ITGA4: variants seen among roughly 807,000 people sequenced by gnomAD.
ITGA4 encodes the protein integrin subunit alpha 4, also known as integrin alpha-4.
A neutral mutation model predicts 133.6 loss-of-function variants in ITGA4; 63 were observed. The observed-to-expected ratio is 0.47, with a 90% CI of 0.38 to 0.58. The LOEUF is 0.58. ITGA4 is among the 20% of genes least tolerant of loss of function. The pLI, the probability that ITGA4 is intolerant of heterozygous loss-of-function variation, is 0.00. For missense variants in ITGA4, 1,076 were observed against 1,252.7 expected (o/e 0.86, Z 2.13); for synonymous variants, 483 against 438.0 (o/e 1.10, Z -1.28).
rs140533145 is a variant in ITGA4 at position 181,536,519 on chromosome 2, C to T, written c.*992C>T. Among the ~76,000 whole-genome samples, 1,403 of 127,782 alleles carry T rather than the reference C, an allele frequency of 0.011. 18 individuals carry two copies. Among genetic ancestry groups the T allele is most frequent in the Non-Finnish European group, 0.019 (1,095 of 58,898 alleles). The allele number at this position is 127,782 out of a possible 152,430, so 83.8% of individuals were successfully genotyped here. On this transcript the variant is annotated 3_prime_UTR_variant, in exon 28 of 28. Transcript: ENST00000397033. ...AATATTGACTATCACACAACTATTT[C>T]CTTGGATGTAATTCTTTGTTACCCT...
intron 17 of ITGA4, among the ~76,000 whole-genome samples, chr2:181,518,875 AT>A (rs1686663777): frequency 6.6e-6 from 1 of 152,082 alleles, no homozygotes; most frequent in African/African-American, 2.4e-5. Context: ...GTTTGTCAAT[AT>A]AACTTAGGCT....
At position 181,525,199 on chromosome 2, in the gene ITGA4, T is replaced by C; in HGVS notation, c.2250-3T>C. On this transcript the variant is annotated splice_polypyrimidine_tract_variant and splice_region_variant and intron_variant, in intron 20 of 27. Transcript: ENST00000397033. ...TCTAACAGGGTGTTTTCTGTTTGTA[T>C]AGTGAAAATGAAGAGGAAATGGACA... is the stretch of plus-strand genomic sequence containing the variant. 8.3e-6 allele frequency: 13 copies of C among 1,566,970 alleles called. No homozygotes were observed. The highest frequency in any genetic ancestry group is 1.1e-5 in the Non-Finnish European group (13 of 1,138,144).
chr2:181,498,709 G>A lies in ITGA4; in HGVS notation c.1627G>A (p.Val543Met), dbSNP rs201961822. The change falls in exon 15 of 28, where the codon GTG becomes ATG. Residue 543 changes from valine (V) to methionine (M), a missense_variant. Around this residue, in one of 4 missense-constraint regions of ITGA4, gnomAD observed 365 missense variants for 421.4 expected, o/e 0.87. Transcript: ENST00000397033. ...TTTCTCTTCTAATGGAACTTCTGAC[G>A]TGATTACAGGAAGCATACAGGTGTC... ...FYFSSNGTSDVITGSIQVSSR... is the reference protein window; with the variant it reads ...FYFSSNGTSDMITGSIQVSSR... 1.7e-4 allele frequency: 269 copies of A among 1,612,546 alleles called. 2 individuals are homozygous for A. The highest frequency in any genetic ancestry group is 1.7e-3 in the Middle Eastern group (10 of 6,054).
At chr2:181,531,040 G>C (rs750705872) in intron 24 of ITGA4, among the ~76,000 whole-genome samples, 1 of 151,990 alleles carries the variant, frequency 6.6e-6, no homozygotes, top group African/African-American at 2.4e-5. Flanking sequence ...GCTTGAATCC[G>C]GGAGGTGGAG....
rs753078439 is a variant in ITGA4, at chr2:181,535,543, TGA to T, written c.*21_*22del. On this transcript the variant is annotated 3_prime_UTR_variant, in exon 28 of 28. Coordinates refer to ENST00000397033, the MANE Select transcript of ITGA4 (RefSeq NM_000885.6). ...TGATGATTAAGGACTTCTTTCAAAT[TGA>T]GAGAATGGAAAACAGACTCAGGTTG... The T allele has an allele frequency of 1.3e-6, 2 of 1,586,368 alleles. No homozygotes were observed. The highest frequency in any genetic ancestry group is 3.6e-5 in the Admixed American group (2 of 55,498).
intron 2 of ITGA4, among the ~76,000 whole-genome samples, chr2:181,468,728 A>G (rs1375651545): frequency 6.6e-6 from 1 of 152,212 alleles, no homozygotes; most frequent in Non-Finnish European, 1.5e-5. Context: ...ACACATCAGT[A>G]GGAAGAAATA....
chr2:181,529,765 A>G, intron 23 of ITGA4, 117 bp downstream of exon 23: 1 of 608,706 alleles, frequency 1.6e-6, no homozygotes, highest in South Asian at 2.1e-5. Flanking sequence ...AACTTACTTC[A>G]GTCACACTCT....
chr2:181,525,019 A>G (rs1285337983), intron 20 of ITGA4, among the ~76,000 whole-genome samples, 183 bp from the exon 21 acceptor site: 1 of 152,088 alleles, frequency 6.6e-6, no homozygotes, highest in Non-Finnish European at 1.5e-5. Flanking sequence ...TTAAATAATG[A>G]GAGAAATTTT....
At chr2:181,530,405 C>T (rs1198904810) in intron 23 of ITGA4, 119 bp from the exon 24 acceptor site, 41 of 884,982 alleles carry the variant, frequency 4.6e-5, no homozygotes, top group Non-Finnish European at 6.6e-5. Context: ...TCTACAATTT[C>T]AGAGGTACTT....
At chr2:181,501,423 G>A (rs995466525) in intron 15 of ITGA4, among the ~76,000 whole-genome samples, 2 of 152,154 alleles carry the variant, frequency 1.3e-5, no homozygotes, top group Non-Finnish European at 2.9e-5. Context: ...TGAGAGAAAG[G>A]GGGATCTATA....
chr2:181,457,749 G>T lies in ITGA4; in HGVS notation c.95G>T (p.Arg32Leu). The change falls in exon 1 of 28, where the codon CGC (arginine) becomes CTC (leucine). Residue 32 changes from arginine (R) to leucine (L), a missense_variant. Arg to Leu is a moderately radical substitution (Grantham distance 102). Coordinates refer to ENST00000397033, the MANE Select transcript of ITGA4 (RefSeq NM_000885.6). ...LLLCLGVPTG[R>L]PYNVDTESAL... ...CTGTGCCTGGGGGTCCCGACCGGCC[G>T]CCCCTACAACGTGGACACTGAGAGC... The T allele has an allele frequency of 6.2e-7, 1 of 1,613,262 alleles. No individual in the cohort carries two copies. The highest frequency in any genetic ancestry group is 1.1e-5 in the South Asian group (1 of 90,980).
In ITGA4 at chr2:181,538,783, TC is replaced by T. The variant is rs1393896966; in HGVS notation, c.*3258del. 2.6e-5 allele frequency among the ~76,000 whole-genome samples: 4 copies of T among 152,206 alleles called. No individual in the cohort carries two copies. ...TCCACTAAAAGATTTAAGATCTTGA[TC>T]CATTTTTAAAAATCCAAAATGGAAG... On this transcript the variant is annotated 3_prime_UTR_variant, in exon 28 of 28. Coordinates refer to ENST00000397033, the MANE Select transcript of ITGA4 (RefSeq NM_000885.6).
chr2:181,510,691 A>G (rs1686488469), intron 16 of ITGA4, among the ~76,000 whole-genome samples: 3 of 134,058 alleles, frequency 2.2e-5, no homozygotes, highest in East Asian at 2.2e-4. Context: ...AGATAACTGA[A>G]GAGCAGATTT....
chr2:181,485,824 C>A, intron 9 of ITGA4, 57 bp from the exon 10 acceptor site: 3 of 1,381,354 alleles, frequency 2.2e-6, no homozygotes, highest in Non-Finnish European at 2.0e-6. Flanking sequence ...AACAGTAAAT[C>A]GTGTAAAGTT....
At chr2:181,471,023 A>G (rs574942860) in intron 2 of ITGA4, among the ~76,000 whole-genome samples, 1 of 152,318 alleles carries the variant, frequency 6.6e-6, no homozygotes, top group South Asian at 2.1e-4. Context: ...GGCTGCCTCT[A>G]TGGTAAAAAC....
At chr2:181,479,111 T>C (rs1031027020) in intron 5 of ITGA4, 1 of 221,398 alleles carries the variant, frequency 4.5e-6, no homozygotes. Context: ...TATGGTTAAT[T>C]GTCTTGTTAA....
At position 181,506,103 on chromosome 2, in the gene ITGA4, C is replaced by A. The variant is rs144617363; in HGVS notation, c.1696-3555C>A. Among the ~76,000 whole-genome samples, 465 of 152,144 alleles carry A rather than the reference C, an allele frequency of 3.1e-3. 1 individual carries two copies. The highest frequency in any genetic ancestry group is 0.027 in the Middle Eastern group (8 of 294). ...GAAAAGTAATCAGGGATCTTGAGTA[C>A]TCTCAGGCTCCAAATCTTCTAAATA... On this transcript the variant is annotated intron_variant, in intron 15 of 27. Coordinates refer to ENST00000397033, the MANE Select transcript of ITGA4 (RefSeq NM_000885.6).
At chr2:181,469,044 A>G (rs989420168) in intron 2 of ITGA4, among the ~76,000 whole-genome samples, 7 of 152,216 alleles carry the variant, frequency 4.6e-5, no homozygotes, top group African/African-American at 9.6e-5. Flanking sequence ...AAACCAGATT[A>G]TAAATCACTT....
intron 23 of ITGA4, 27 bp from the exon 24 acceptor site, chr2:181,530,497 G>A (rs1407964171): frequency 6.3e-7 from 1 of 1,594,368 alleles, no homozygotes; most frequent in Admixed American, 1.7e-5. Flanking sequence ...TGAAAGATAA[G>A]ATTTCTCTTG....
Sources: allele counts gnomAD v4.1 joint callset (sites outside exome capture counted in the v4.1 genomes callset), GRCh38; gene constraint gnomAD v4.1.1; regional missense constraint gnomAD v4.1.1; transcripts MANE v1.5; gene names NCBI Gene and HGNC (gene_info 2026-07-23, HGNC 2026-07-21).